Variants in CCDC178 observed in about 807,000 individuals in gnomAD.
The protein encoded by CCDC178 is coiled-coil domain-containing protein 178.
Under a neutral mutation model 117.4 loss-of-function variants are expected in CCDC178, and 126 were observed. The observed-to-expected ratio is 1.07, with a 90% confidence interval of 0.93 to 1.24. CCDC178 has a LOEUF of 1.24. Among genes scored for constraint, CCDC178 ranks in the 50% most tolerant of loss-of-function variants. The probability of loss-of-function intolerance (pLI) is 0.00; values close to 1 mark genes in which losing one functional copy is unlikely to be tolerated. For synonymous variants in CCDC178, 283 were observed against 313.4 expected (o/e 0.90, Z 1.02); for missense variants, 1,030 against 986.9 (o/e 1.04, Z -0.59).
chr18:33,423,464 G>C (rs559236701), intron 2 of CCDC178, among the ~76,000 whole-genome samples: 1 of 152,196 alleles, frequency 6.6e-6, no homozygotes, highest in South Asian at 2.1e-4. Flanking sequence ...CTGCTGTATA[G>C]AATTTTATTG....
chr18:33,309,442 T>G (rs527752361), intron 11 of CCDC178, among the ~76,000 whole-genome samples: 1 of 152,166 alleles, frequency 6.6e-6, no homozygotes, highest in Non-Finnish European at 1.5e-5. Context: ...TACACATAAA[T>G]AGGATACATG....
chr18:33,253,386 G>A (rs2059639096), intron 14 of CCDC178, among the ~76,000 whole-genome samples: 1 of 151,766 alleles, frequency 6.6e-6, no homozygotes, highest in Non-Finnish European at 1.5e-5. Flanking sequence ...GTTTTCTAAT[G>A]GAATCTTAGT....
intron 20 of CCDC178, among the ~76,000 whole-genome samples, chr18:33,102,581 C>T (rs913807704): frequency 6.6e-6 from 1 of 151,598 alleles, no homozygotes; most frequent in South Asian, 2.1e-4. Context: ...CTGGTAATGT[C>T]TTCATTCTTT....
intron 12 of CCDC178, among the ~76,000 whole-genome samples, chr18:33,271,075 T>A (rs2059882995): frequency 1.3e-5 from 2 of 151,402 alleles, no homozygotes; most frequent in South Asian, 4.1e-4. Flanking sequence ...TGAATTCCAC[T>A]CCTAGGGCAA....
intron 3 of CCDC178, among the ~76,000 whole-genome samples, chr18:33,411,407 A>G (rs2144896443): frequency 6.6e-6 from 1 of 152,056 alleles, no homozygotes; most frequent in East Asian, 1.9e-4. Context: ...ACCATTCTTA[A>G]TTTGGGGTCT....
intron 21 of CCDC178, among the ~76,000 whole-genome samples, chr18:33,024,223 C>A (rs2056179403): frequency 6.6e-6 from 1 of 152,064 alleles, no homozygotes; most frequent in Non-Finnish European, 1.5e-5. Flanking sequence ...CTAGGGATAC[C>A]ATAACAAAAC....
chr18:33,170,006 G>C (rs575372487), intron 20 of CCDC178, among the ~76,000 whole-genome samples: 1 of 152,046 alleles, frequency 6.6e-6, no homozygotes, highest in East Asian at 1.9e-4. Flanking sequence ...TACCAGCCAT[G>C]AAATTCATTA....
rs572120231 is a variant in CCDC178 at position 32,938,417 on chromosome 18, T to A, written c.2524-326A>T. 62 of 193,086 alleles carry A rather than the reference T, an allele frequency of 3.2e-4. 1 individual carries two copies. The South Asian group carries it at 0.011, about 33-fold the overall frequency. The allele number at this position is 193,086 out of a possible 1,614,324, so 12.0% of individuals were successfully genotyped here. On this transcript the variant is annotated intron_variant, in intron 22 of 22. Coordinates refer to ENST00000383096, the MANE Select transcript of CCDC178 (RefSeq NM_001105528.4). Reference sequence around the variant, plus strand: ...AAAGATTTTAGGCAAATTTGTCACATAGAGAAAGTGAAATTTTGGTTATTA... The same window carrying A: ...AAAGATTTTAGGCAAATTTGTCACAAAGAGAAAGTGAAATTTTGGTTATTA...
chr18:33,414,564 G>A (rs987169507), intron 2 of CCDC178, among the ~76,000 whole-genome samples: 11 of 152,126 alleles, frequency 7.2e-5, no homozygotes, highest in Non-Finnish European at 1.6e-4. Context: ...ATGGATCAAA[G>A]ACTTAAATGT....
At chr18:33,084,187 C>G (rs1159255234) in intron 21 of CCDC178, among the ~76,000 whole-genome samples, 1 of 152,118 alleles carries the variant, frequency 6.6e-6, no homozygotes, top group African/African-American at 2.4e-5. Context: ...CAAATATTCC[C>G]TCATTTTCTC....
At chr18:33,060,225 A>G (rs4556865) in intron 21 of CCDC178, among the ~76,000 whole-genome samples, 30,709 of 152,080 alleles carry the variant, frequency 0.2, 3,262 homozygotes, top group East Asian at 0.36. Context: ...AAGGAGCCAA[A>G]TAACGAGTTT....
rs971961855 is a variant in CCDC178, at chr18:32,979,278, C to A, written c.2389-4597G>T. 4.6e-5 allele frequency among the ~76,000 whole-genome samples: 7 copies of A among 152,116 alleles called. No individual in the cohort carries two copies. In the South Asian group the frequency reaches 8.3e-4, roughly 18 times the overall value. On this transcript the variant is annotated intron_variant, in intron 21 of 22. Coordinates refer to ENST00000383096, the MANE Select transcript of CCDC178 (RefSeq NM_001105528.4). ...TCAAACGATTCTCCTGTCTCAGCCTCCCGAGTAGCTGGGATTACAGGCGAC... is the reference window on the plus strand; with the variant it reads ...TCAAACGATTCTCCTGTCTCAGCCTACCGAGTAGCTGGGATTACAGGCGAC...
In CCDC178 at chr18:33,334,915, T is replaced by C. The variant is rs144684284; in HGVS notation, c.659-1521A>G. Among the ~76,000 whole-genome samples the C allele has an allele frequency of 1.6e-4, 24 of 152,192 alleles. 1 individual carries two copies. Among genetic ancestry groups the C allele is most frequent in the Non-Finnish European group, 2.2e-4 (15 of 67,902 alleles). On this transcript the variant is annotated intron_variant, in intron 9 of 22. Transcript: ENST00000383096. ...TATTTTTCTCTGTAAATTTATTTAG[T>C]TGGTCAAAGTTTCAACAATATTCAA...
intron 21 of CCDC178, among the ~76,000 whole-genome samples, chr18:33,065,564 A>G (rs1233256945): frequency 6.6e-6 from 1 of 152,156 alleles, no homozygotes; most frequent in Non-Finnish European, 1.5e-5. Flanking sequence ...AAAGATATAC[A>G]TGTTCAGATA....
chr18:33,297,598 C>T (rs955212501), intron 11 of CCDC178, among the ~76,000 whole-genome samples: 5 of 152,236 alleles, frequency 3.3e-5, no homozygotes, highest in Non-Finnish European at 7.4e-5. Context: ...TTCCTAGACA[C>T]ATACAACCTA....
chr18:33,301,185 G>C (rs1384270336), intron 11 of CCDC178, among the ~76,000 whole-genome samples: 2 of 152,150 alleles, frequency 1.3e-5, no homozygotes, highest in Admixed American at 1.3e-4. Flanking sequence ...CACTCTGGAG[G>C]GTACAAGCCA....
At chr18:33,177,651 C>T (rs1325469691) in intron 20 of CCDC178, among the ~76,000 whole-genome samples, 3 of 152,174 alleles carry the variant, frequency 2.0e-5, no homozygotes, top group Non-Finnish European at 4.4e-5. Flanking sequence ...TTCCCTCTTT[C>T]TAACACAATC....
At chr18:33,134,553 A>G (rs1029787263) in intron 20 of CCDC178, among the ~76,000 whole-genome samples, 3 of 152,080 alleles carry the variant, frequency 2.0e-5, no homozygotes, top group African/African-American at 4.8e-5. Context: ...ATCTACATAT[A>G]AGGGTTACAT....
intron 4 of CCDC178, among the ~76,000 whole-genome samples, chr18:33,392,007 G>C (rs1568196938): frequency 6.6e-6 from 1 of 152,026 alleles, no homozygotes; most frequent in Non-Finnish European, 1.5e-5. Context: ...GGGACTACAG[G>C]AGTGCGCCAC....
Sources: allele counts gnomAD v4.1 joint callset (sites outside exome capture counted in the v4.1 genomes callset), GRCh38; gene constraint gnomAD v4.1.1; transcripts MANE v1.5; gene names NCBI Gene and HGNC (gene_info 2026-07-23, HGNC 2026-07-21).